Variants in ARL5B observed in about 807,000 individuals in gnomAD.
ARL5B encodes the protein ARF like GTPase 5B.
Under a neutral mutation model 26.9 loss-of-function variants are expected in ARL5B, and 10 were observed. The ratio of observed to expected loss-of-function variants is 0.37; its 90% CI spans 0.23 to 0.63. The LOEUF (loss-of-function observed/expected upper bound fraction) is 0.63. ARL5B is among the 30% of genes least tolerant of loss of function. The pLI is 0.62. For synonymous variants in ARL5B, 87 were observed against 70.4 expected (o/e 1.24, Z -1.18); for missense variants, 167 against 213.9 (o/e 0.78, Z 1.37).
intron 2 of ARL5B, among the ~76,000 whole-genome samples, chr10:18,666,881 G>T (rs1022304312): frequency 6.6e-6 from 1 of 152,058 alleles, no homozygotes; most frequent in African/African-American, 2.4e-5. Flanking sequence ...TAAATAAAGC[G>T]CATATTAGAA....
rs1445118429 is a variant in ARL5B at position 18,659,587 on chromosome 10, C to T, written c.-51C>T. ...GCCCGCGCCGCGGTGGGGGACCCGGCGCAGCGGCACCTGCTGCCGAGGGAC... is the reference window on the plus strand; with the variant it reads ...GCCCGCGCCGCGGTGGGGGACCCGGTGCAGCGGCACCTGCTGCCGAGGGAC... On this transcript the variant is annotated 5_prime_UTR_variant, in exon 1 of 6. Coordinates refer to ENST00000377275, the MANE Select transcript of ARL5B (RefSeq NM_178815.5). The T allele has an allele frequency of 1.9e-6, 3 of 1,571,700 alleles. No homozygotes were observed. Among genetic ancestry groups the T allele is most frequent in the East Asian group, 4.7e-5 (2 of 42,212 alleles).
intron 1 of ARL5B, among the ~76,000 whole-genome samples, chr10:18,663,497 C>G (rs1298371781): frequency 1.3e-5 from 2 of 150,844 alleles, no homozygotes; most frequent in Non-Finnish European, 2.9e-5. Context: ...TCTGACTGCT[C>G]AGATCTCAGA....
intron 1 of ARL5B, among the ~76,000 whole-genome samples, chr10:18,662,462 C>T (rs1284703292): frequency 1.3e-5 from 2 of 152,144 alleles, no homozygotes; most frequent in African/African-American, 4.8e-5. Flanking sequence ...GAACTGGAAG[C>T]CTGTTTACTT....
intron 5 of ARL5B, among the ~76,000 whole-genome samples, chr10:18,674,631 A>G (rs1266542019): frequency 6.6e-6 from 1 of 152,216 alleles, no homozygotes; most frequent in Admixed American, 6.5e-5. Flanking sequence ...TAACAATTTG[A>G]ATGTGGGTAT....
In ARL5B at chr10:18,677,138, C is replaced by T. The variant is rs2059913775; in HGVS notation, c.*1922C>T. ...TTACCGTAAGTACTGAGGGTAGTTT[C>T]CCTAAGTCTGTCCTGAGAAAAAGCA... On this transcript the variant is annotated 3_prime_UTR_variant, in exon 6 of 6. Coordinates refer to ENST00000377275, the MANE Select transcript of ARL5B (RefSeq NM_178815.5). 1 of 151,518 alleles carries T rather than the reference C, an allele frequency of 6.6e-6. No individual in the cohort carries two copies. Among genetic ancestry groups the T allele is most frequent in the East Asian group, 1.9e-4 (1 of 5,170 alleles). 9.4% of individuals were successfully genotyped at this position (151,518 alleles called of 1,614,324 possible). A position where few individuals can be genotyped will look rare whatever the true frequency, so the allele number is the denominator to read the frequency against.
chr10:18,674,495 C>T (rs1468421938), intron 5 of ARL5B, among the ~76,000 whole-genome samples: 3 of 152,106 alleles, frequency 2.0e-5, no homozygotes, highest in African/African-American at 7.2e-5. Flanking sequence ...TCTGCAAGGA[C>T]TTAAACCTGA....
At position 18,675,151 on chromosome 10, in the gene ARL5B, T is replaced by G; in HGVS notation, c.492-17T>G. ...GTATAAGGTTTTTAATTAAAAATAC[T>G]TCTATCTTTTGTTTAGGTTATGCCA... On this transcript the variant is annotated splice_polypyrimidine_tract_variant and intron_variant, in intron 5 of 5. Coordinates refer to ENST00000377275, the MANE Select transcript of ARL5B (RefSeq NM_178815.5). The G allele has an allele frequency of 6.2e-7, 1 of 1,610,190 alleles. No individual in the cohort carries two copies. Among genetic ancestry groups the G allele is most frequent in the African/African-American group, 1.3e-5 (1 of 74,910 alleles).
At chr10:18,660,750 G>T (rs1330800412) in intron 1 of ARL5B, among the ~76,000 whole-genome samples, 1 of 152,214 alleles carries the variant, frequency 6.6e-6, no homozygotes, top group Admixed American at 6.5e-5. Context: ...GTATATGCCT[G>T]TATCCAGTAA....
At chr10:18,670,115 T>TAA (rs2059880122) in intron 3 of ARL5B, among the ~76,000 whole-genome samples, 1 of 152,142 alleles carries the variant, frequency 6.6e-6, no homozygotes, top group South Asian at 2.1e-4. Flanking sequence ...AGATTTATAT[T>TAA]ATAATAGCAT....
At chr10:18,673,891 T>C (rs1247069095) in intron 4 of ARL5B, 93 bp from the exon 5 acceptor site, 2 of 1,182,646 alleles carry the variant, frequency 1.7e-6, no homozygotes, top group South Asian at 2.4e-5. Context: ...TGCCCGATTA[T>C]GTTAAAGTAG....
intron 1 of ARL5B, 67 bp downstream of exon 1, chr10:18,659,750 C>A: frequency 6.3e-7 from 1 of 1,588,018 alleles, no homozygotes; most frequent in Non-Finnish European, 8.6e-7. Flanking sequence ...GATGGGGACA[C>A]CGGAGACAGG....
chr10:18,673,783 G>A (rs547224710), intron 4 of ARL5B, among the ~76,000 whole-genome samples: 1 of 150,554 alleles, frequency 6.6e-6, no homozygotes, highest in Admixed American at 6.6e-5. Context: ...AGTTTGACCA[G>A]TTCGACTCAA....
chr10:18,664,709 A>G (rs1199067168), intron 1 of ARL5B, among the ~76,000 whole-genome samples: 1 of 152,094 alleles, frequency 6.6e-6, no homozygotes, highest in Non-Finnish European at 1.5e-5. Context: ...AAGTGCTAAG[A>G]TTACAGGCGT....
At chr10:18,663,434 T>C (rs555607189) in intron 1 of ARL5B, among the ~76,000 whole-genome samples, 3 of 152,366 alleles carry the variant, frequency 2.0e-5, no homozygotes, top group African/African-American at 7.2e-5. Flanking sequence ...ATGAATTTCA[T>C]GTTATCATTT....
In ARL5B at chr10:18,676,951, T is replaced by C. The variant is rs1237015873; in HGVS notation, c.*1735T>C. The C allele has an allele frequency of 1.3e-5, 2 of 152,356 alleles. No homozygotes were observed. Among genetic ancestry groups the C allele is most frequent in the Non-Finnish European group, 2.9e-5 (2 of 67,852 alleles). 9.4% of individuals were successfully genotyped at this position (152,356 alleles called of 1,614,324 possible). On this transcript the variant is annotated 3_prime_UTR_variant, in exon 6 of 6. Coordinates refer to ENST00000377275, the MANE Select transcript of ARL5B (RefSeq NM_178815.5). The stretch of plus-strand genomic sequence containing the variant: ...TTCTGTATCAAGTAGAGGATAAGTG[T>C]AGTTTAACTTAGTTTTTAATATAAC...
chr10:18,665,728 A>T (rs923798091), intron 1 of ARL5B, among the ~76,000 whole-genome samples: 1 of 152,216 alleles, frequency 6.6e-6, no homozygotes, highest in Non-Finnish European at 1.5e-5. Context: ...GTTGATGTTA[A>T]CTTGTAACTT....
rs1481992655 is a variant in ARL5B, at chr10:18,678,030, G to C, written c.*2814G>C. On this transcript the variant is annotated 3_prime_UTR_variant, in exon 6 of 6. Transcript: ENST00000377275. ...TTTTTCTTAATTTTGAGCGTGTCAT[G>C]TCCTTCATCTTTAAACCCATCATTC... 13 of 151,844 alleles carry C rather than the reference G, an allele frequency of 8.6e-5. No homozygotes were observed. The East Asian group carries it at 2.5e-3, about 29-fold the overall frequency. 9.4% of individuals were successfully genotyped at this position (151,844 alleles called of 1,614,324 possible).
In ARL5B at chr10:18,675,531, T is replaced by G. The variant is rs1348835870; in HGVS notation, c.*315T>G. The G allele has an allele frequency of 3.6e-6, 1 of 275,010 alleles. No homozygotes were observed. Among genetic ancestry groups the G allele is most frequent in the Non-Finnish European group, 7.0e-6 (1 of 141,920 alleles). The allele number at this position is 275,010 out of a possible 1,614,324, so 17.0% of individuals were successfully genotyped here. On this transcript the variant is annotated 3_prime_UTR_variant, in exon 6 of 6. Transcript: ENST00000377275. ...ATATGCGTGATGTCTTCTGAAATAT[T>G]CTTATAACCTTAATGACCAATTGCT...
intron 3 of ARL5B, among the ~76,000 whole-genome samples, chr10:18,670,349 T>C (rs144198586): frequency 0.028 from 4,329 of 152,066 alleles, 199 homozygotes; most frequent in African/African-American, 0.098. Context: ...AGTGGCTCAC[T>C]TCTGTAATCC....
Sources: allele counts gnomAD v4.1 joint callset (sites outside exome capture counted in the v4.1 genomes callset), GRCh38; gene constraint gnomAD v4.1.1; transcripts MANE v1.5; gene names NCBI Gene and HGNC (gene_info 2026-07-23, HGNC 2026-07-21).